Variants in SNRPG observed in about 807,000 individuals in gnomAD.
SNRPG encodes the protein small nuclear ribonucleoprotein polypeptide G, also known as small nuclear ribonucleoprotein G.
A neutral mutation model predicts 13.9 loss-of-function variants in SNRPG; 3 were observed. The observed-to-expected ratio is 0.22, with a 90% CI of 0.10 to 0.56. The LOEUF (loss-of-function observed/expected upper bound fraction) is 0.56. SNRPG is among the 20% of genes least tolerant of loss of function. The probability of loss-of-function intolerance (pLI) is 0.93; values close to 1 mark genes in which losing one functional copy is unlikely to be tolerated. For missense variants in SNRPG, 34 were observed against 96.1 expected, an observed-to-expected ratio of 0.35 and a Z score of 2.70; for synonymous variants, 29 against 29.3, an observed-to-expected ratio of 0.99 and a Z score of 0.03.
Position 70,293,603 on chromosome 2 carries a change from C to G in SNRPG, c.32+15G>C. On this transcript the variant is annotated intron_variant, in intron 1 of 3. Coordinates refer to ENST00000272348, the MANE Select transcript of SNRPG (RefSeq NM_003096.4). ...AATAACTGACCACTTCGGTTTGGCTCTCACACATACTTACTTTTTCAACTC... is the reference window on the plus strand; with the variant it reads ...AATAACTGACCACTTCGGTTTGGCTGTCACACATACTTACTTTTTCAACTC... 1.2e-6 allele frequency: 2 copies of G among 1,612,816 alleles called. No individual in the cohort carries two copies. The highest frequency in any genetic ancestry group is 1.7e-6 in the Non-Finnish European group (2 of 1,178,736).
intron 3 of SNRPG, chr2:70,287,146 GAA>G (rs1193678902): frequency 3.4e-6 from 2 of 591,286 alleles, no homozygotes; most frequent in African/African-American, 3.8e-5. Context: ...ACCTTGGAAA[GAA>G]TGGTATGTAA....
At chr2:70,283,134 A>AACAAC (rs1696855563) in intron 3 of SNRPG, among the ~76,000 whole-genome samples, 1 of 149,568 alleles carries the variant, frequency 6.7e-6, no homozygotes, top group East Asian at 1.9e-4. Context: ...ACAACAAACC[A>AACAAC]AAACCAAAAC....
chr2:70,291,205 C>G (rs1279132569), intron 1 of SNRPG: 1 of 152,114 alleles, frequency 6.6e-6, no homozygotes, highest in East Asian at 1.9e-4. Flanking sequence ...CTTGGAAAAG[C>G]TAAAGCAATT....
intron 2 of SNRPG, among the ~76,000 whole-genome samples, chr2:70,288,988 T>A (rs576146720): frequency 6.6e-6 from 1 of 152,220 alleles, no homozygotes; most frequent in African/African-American, 2.4e-5. Context: ...TCTAGCTCTA[T>A]AGCCCAGGCT....
chr2:70,293,383 G>A (rs1697154636), intron 1 of SNRPG: 5 of 628,836 alleles, frequency 8.0e-6, no homozygotes, highest in Non-Finnish European at 1.4e-5. Context: ...GGGACCTGGA[G>A]ACTAGTCGGC....
At chr2:70,281,964 G>A (rs1385486387) in intron 3 of SNRPG, among the ~76,000 whole-genome samples, 2 of 152,086 alleles carry the variant, frequency 1.3e-5, no homozygotes, top group Admixed American at 1.3e-4. Flanking sequence ...CTGTTGCCCA[G>A]GCTAGAGTGT....
At chr2:70,293,354 T>G (rs999294165) in intron 1 of SNRPG, 5 of 632,388 alleles carry the variant, frequency 7.9e-6, no homozygotes, top group African/African-American at 3.6e-5. Flanking sequence ...CAGCGCCGGG[T>G]GACCAGGGGC....
intron 3 of SNRPG, among the ~76,000 whole-genome samples, chr2:70,282,971 G>A (rs969808526): frequency 2.0e-5 from 3 of 151,766 alleles, no homozygotes; most frequent in Admixed American, 6.6e-5. Flanking sequence ...GCACATGCCT[G>A]TAATCCCAGC....
Position 70,289,382 on chromosome 2 carries a change from G to A in SNRPG, c.33-10C>T, listed in dbSNP as rs1456797671. ...CTTCTTGTCCATAAATCTGAAAAAGGAAAAGGGTAAAGATTATATAACCAA... is the reference window on the plus strand; with the variant it reads ...CTTCTTGTCCATAAATCTGAAAAAGAAAAAGGGTAAAGATTATATAACCAA... On this transcript the variant is annotated splice_polypyrimidine_tract_variant and intron_variant, in intron 1 of 3. Transcript: ENST00000272348. 2 of 1,417,582 alleles carry A rather than the reference G, an allele frequency of 1.4e-6. No homozygotes were observed. The highest frequency in any genetic ancestry group is 2.0e-6 in the Non-Finnish European group (2 of 1,024,418). 87.8% of individuals were successfully genotyped at this position (1,417,582 alleles called of 1,614,324 possible).
In SNRPG at chr2:70,283,111, A is replaced by AAAAAAAAC. The variant is rs1559041526; in HGVS notation, c.181-1428_181-1427insGTTTTTTT. ...TGTCTTTTGTCAAAAAAAAAAAAAA[A>AAAAAAAAC]AAAAAAAAAAAAACAACAAACCAAA... is the stretch of plus-strand genomic sequence containing the variant. On this transcript the variant is annotated intron_variant, in intron 3 of 3. Coordinates refer to ENST00000272348, the MANE Select transcript of SNRPG (RefSeq NM_003096.4). 2.7e-4 allele frequency among the ~76,000 whole-genome samples: 39 copies of AAAAAAAAC among 146,010 alleles called. 1 individual carries two copies. Among genetic ancestry groups the AAAAAAAAC allele is most frequent in the African/African-American group, 8.1e-4 (31 of 38,050 alleles).
chr2:70,288,539 G>C (rs1696999373), intron 2 of SNRPG, among the ~76,000 whole-genome samples: 1 of 152,124 alleles, frequency 6.6e-6, no homozygotes, highest in South Asian at 2.1e-4. Flanking sequence ...GGGATTATAG[G>C]TGTAAACCAC....
At chr2:70,289,998 TTC>T (rs1697041594) in intron 1 of SNRPG, among the ~76,000 whole-genome samples, 2 of 151,312 alleles carry the variant, frequency 1.3e-5, no homozygotes, top group South Asian at 2.1e-4. Context: ...TGACCTAAAT[TTC>T]TTTCTTTTTT....
At chr2:70,291,014 A>AACACACAC (rs56202448) in intron 1 of SNRPG, among the ~76,000 whole-genome samples, 8,091 of 133,376 alleles carry the variant, frequency 0.061, 289 homozygotes, top group Non-Finnish European at 0.083. Flanking sequence ...TCCATCTCAA[A>AACACACAC]ACACACACAC....
chr2:70,293,605 C>G lies in SNRPG; in HGVS notation c.32+13G>C. 6.2e-7 allele frequency: 1 copy of G among 1,612,930 alleles called. No individual in the cohort carries two copies. On this transcript the variant is annotated intron_variant, in intron 1 of 3. Coordinates refer to ENST00000272348, the MANE Select transcript of SNRPG (RefSeq NM_003096.4). ...TAACTGACCACTTCGGTTTGGCTCT[C>G]ACACATACTTACTTTTTCAACTCGG...
intron 2 of SNRPG, among the ~76,000 whole-genome samples, chr2:70,288,855 G>GT (rs1697008606): frequency 1.0e-5 from 1 of 99,656 alleles, no homozygotes; most frequent in African/African-American, 2.8e-5. Context: ...CTGAAGTGCT[G>GT]TTAAATTAAT....
chr2:70,282,886 G>A (rs1370901917), intron 3 of SNRPG, among the ~76,000 whole-genome samples: 1 of 151,974 alleles, frequency 6.6e-6, no homozygotes, highest in Non-Finnish European at 1.5e-5. Flanking sequence ...CTGAGGTTGG[G>A]AGTTCGAGAC....
intron 1 of SNRPG, among the ~76,000 whole-genome samples, chr2:70,291,811 T>C (rs1363357726): frequency 6.6e-6 from 1 of 151,062 alleles, no homozygotes; most frequent in Non-Finnish European, 1.5e-5. Context: ...AGATTACAAG[T>C]AGAGAATGGT....
chr2:70,281,849 T>C (rs1696794301), intron 3 of SNRPG, among the ~76,000 whole-genome samples, 165 bp from the exon 4 acceptor site: 1 of 152,228 alleles, frequency 6.6e-6, no homozygotes, highest in African/African-American at 2.4e-5. Context: ...AAGCCCTTTA[T>C]ACGACAGACA....
intron 3 of SNRPG, chr2:70,287,744 G>C: frequency 2.5e-6 from 1 of 398,614 alleles, no homozygotes; most frequent in Non-Finnish European, 4.5e-6. Context: ...AGATTCCCTG[G>C]GGATTCATAT....
Sources: gnomAD v4.1 joint callset for allele counts (sites outside exome capture counted in the v4.1 genomes callset) on GRCh38, gnomAD v4.1.1 for gene constraint, MANE v1.5 for transcripts, NCBI Gene and HGNC (gene_info 2026-07-23, HGNC 2026-07-21) for gene names.